WNK1: variants seen among roughly 807,000 people sequenced by gnomAD.
WNK1 encodes serine/threonine-protein kinase WNK1.
Under a neutral mutation model 222.8 loss-of-function variants are expected in WNK1, and 38 were observed. That is an observed-to-expected ratio of 0.17 (90% CI 0.13 to 0.22). The LOEUF (loss-of-function observed/expected upper bound fraction) is 0.22, where lower values mean the gene tolerates loss of function less well. WNK1 is among the 10% of genes least tolerant of loss of function. WNK1 has a pLI of 1.00. For synonymous variants in WNK1, 1,090 were observed against 1,092.9 expected (o/e 1.00, Z 0.05); for missense variants, 2,348 against 2,918.4 (o/e 0.80, Z 4.50).
intron 25 of WNK1, among the ~76,000 whole-genome samples, chr12:899,175 TC>T (rs1402623397): frequency 6.6e-6 from 1 of 152,212 alleles, no homozygotes; most frequent in African/African-American, 2.4e-5. Context: ...TCTTAGCAGT[TC>T]CATTCTCTGG....
At position 881,970 on chromosome 12, in the gene WNK1, G is replaced by T. The variant is rs780692513; in HGVS notation, c.3269G>T (p.Ser1090Ile). The T allele has an allele frequency of 1.7e-5, 28 of 1,614,022 alleles. No individual in the cohort carries two copies. Among genetic ancestry groups the T allele is most frequent in the East Asian group, 2.2e-5 (1 of 44,890 alleles). ...SDGNENVPSS[S>I]GRHEGRTTKR... is the part of the protein sequence containing the mutation. ...GGCAATGAGAACGTCCCATCTTCCA[G>T]TGGAAGGCATGAAGGAAGAACTACA... The change falls in exon 14 of 28, where the codon AGT (serine) becomes ATT (isoleucine). Residue 1090 changes from serine to isoleucine, a missense_variant. Physicochemically the swap from Ser to Ile is moderately radical, Grantham distance 142. Coordinates refer to ENST00000315939, the MANE Select transcript of WNK1 (RefSeq NM_018979.4).
In WNK1 at chr12:762,896, G is replaced by A. The variant is rs1350199863; in HGVS notation, c.759+8572G>A. On this transcript the variant is annotated intron_variant, in intron 1 of 27. Transcript: ENST00000315939. Reference sequence around the variant, plus strand: ...CGAGTAGCTGGGATTACAGGAAGGCGCCACCATGCCCAGCTAATTTTGTAT... The same window carrying A: ...CGAGTAGCTGGGATTACAGGAAGGCACCACCATGCCCAGCTAATTTTGTAT... Among the ~76,000 whole-genome samples the A allele has an allele frequency of 1.4e-5, 2 of 146,226 alleles. 1 individual carries two copies. Among genetic ancestry groups the A allele is most frequent in the Non-Finnish European group, 3.1e-5 (2 of 65,504 alleles).
At chr12:881,584 T>C in intron 12 of WNK1, 108 bp from the exon 13 acceptor site, 1 of 852,766 alleles carries the variant, frequency 1.2e-6, no homozygotes, top group South Asian at 1.4e-5. Flanking sequence ...AATTTAGTGC[T>C]TCTAGGACGT....
chr12:900,771 A>AAC, intron 26 of WNK1, 101 bp downstream of exon 26: 6 of 1,382,230 alleles, frequency 4.3e-6, no homozygotes, highest in Non-Finnish European at 6.2e-6. Flanking sequence ...AGCTGACCAG[A>AAC]ACACAGCCTG....
intron 1 of WNK1, among the ~76,000 whole-genome samples, chr12:800,152 A>T (rs188920799): frequency 0.015 from 2,321 of 152,142 alleles, 59 homozygotes; most frequent in African/African-American, 0.052. Flanking sequence ...TCAAAAAAAA[A>T]TTTTTTTTAA....
intron 2 of WNK1, among the ~76,000 whole-genome samples, chr12:821,632 G>A (rs1446649335): frequency 6.6e-6 from 1 of 152,154 alleles, no homozygotes; most frequent in Non-Finnish European, 1.5e-5. Flanking sequence ...TATTGAAAGT[G>A]GAATACTGAA....
Position 884,826 on chromosome 12 carries a change from G to A in WNK1, c.4022G>A (p.Ser1341Asn), listed in dbSNP as rs1301534353. ...PTFPVVPPFL[S>N]SIAGVPTTAA... ...TTTCCAGTAGTACCTCCTTTCTTAA[G>A]TAGCATTGCTGGAGTCCCAACCACA... The change falls in exon 19 of 28, where the codon AGT becomes AAT. Residue 1341 changes from serine (S) to asparagine (N), a missense_variant. By Grantham distance (46) the Ser-to-Asn change is conservative. Transcript: ENST00000315939. The surrounding 1 kb of genome is among the most constrained non-coding windows in gnomAD (Gnocchi z 5.6). 6.2e-7 allele frequency: 1 copy of A among 1,614,124 alleles called. No individual in the cohort carries two copies. The highest frequency in any genetic ancestry group is 8.5e-7 in the Non-Finnish European group (1 of 1,180,018).
intron 2 of WNK1, among the ~76,000 whole-genome samples, chr12:818,021 C>G (rs1259550817): frequency 6.6e-6 from 1 of 152,092 alleles, no homozygotes; most frequent in African/African-American, 2.4e-5. Context: ...TTTAAATAGA[C>G]ATGAAATTCA....
Position 755,626 on chromosome 12 carries a change from T to TAA in WNK1, c.759+1313_759+1314dup, listed in dbSNP as rs549151044. 1.0e-3 allele frequency among the ~76,000 whole-genome samples: 153 copies of TAA among 146,540 alleles called. 2 individuals are homozygous for TAA. The highest frequency in any genetic ancestry group is 7.8e-3 in the South Asian group (36 of 4,644). The stretch of plus-strand genomic sequence containing the variant: ...TAGAATTGAAAAGGTGACAGATCTT[T>TAA]AAAAAAAAAAAACCTCGTCAAACGA... On this transcript the variant is annotated intron_variant, in intron 1 of 27. Coordinates refer to ENST00000315939, the MANE Select transcript of WNK1 (RefSeq NM_018979.4).
At chr12:820,422 G>A (rs1947751485) in intron 2 of WNK1, among the ~76,000 whole-genome samples, 1 of 144,264 alleles carries the variant, frequency 6.9e-6, no homozygotes, top group South Asian at 2.2e-4. Context: ...TAACTTTACT[G>A]AATTCTTGTA....
In WNK1 at chr12:896,160, G is replaced by A; in HGVS notation, c.5673G>A (p.Glu1891=). The A allele has an allele frequency of 1.2e-6, 2 of 1,614,198 alleles. No homozygotes were observed. Among genetic ancestry groups the A allele is most frequent in the Non-Finnish European group, 1.7e-6 (2 of 1,180,046 alleles). The change falls in exon 24 of 28, where the codon GAG becomes GAA. Residue 1891 remains glutamate, a synonymous_variant. Coordinates refer to ENST00000315939, the MANE Select transcript of WNK1 (RefSeq NM_018979.4). ...KSVHFESSTS[E]SSVLSSSSPE... Reference sequence around the variant, plus strand: ...TTCATTTTGAATCCAGCACCTCAGAGTCCTCAGTGCTATCAAGTAGTAGTC... The same window carrying A: ...TTCATTTTGAATCCAGCACCTCAGAATCCTCAGTGCTATCAAGTAGTAGTC...
At chr12:875,490 T>G (rs1285635772) in intron 9 of WNK1, among the ~76,000 whole-genome samples, 1 of 152,206 alleles carries the variant, frequency 6.6e-6, no homozygotes, top group East Asian at 1.9e-4. Context: ...TTTTAAGGAA[T>G]AAACATAAAT....
At chr12:779,836 T>C (rs1008555346) in intron 1 of WNK1, among the ~76,000 whole-genome samples, 2 of 152,200 alleles carry the variant, frequency 1.3e-5, no homozygotes, top group African/African-American at 4.8e-5. Context: ...ATTTTCTCTG[T>C]GGATGCGAAG....
Position 851,857 on chromosome 12 carries a change from T to C in WNK1, c.1312-5304T>C, listed in dbSNP as rs140993760. The C allele has an allele frequency of 2.8e-5, 33 of 1,164,628 alleles. No individual in the cohort carries two copies. The East Asian group carries it at 1.6e-3, about 58-fold the overall frequency. The allele number at this position is 1,164,628 out of a possible 1,614,324, so 72.1% of individuals were successfully genotyped here. A position where few individuals can be genotyped will look rare whatever the true frequency, so the allele number is the denominator to read the frequency against. On this transcript the variant is annotated intron_variant, in intron 4 of 27. Coordinates refer to ENST00000315939, the MANE Select transcript of WNK1 (RefSeq NM_018979.4). ...GGTGATATTGGTAGAAAGTTTCCAA[T>C]ATTGAAATTGTTAACTTTCAGTTAA...
chr12:838,562 A>T (rs1305271510), intron 4 of WNK1, among the ~76,000 whole-genome samples: 2 of 151,996 alleles, frequency 1.3e-5, no homozygotes, highest in African/African-American at 4.8e-5. Context: ...CCATGGACAC[A>T]CACCACCATG....
At chr12:785,399 C>CCG (rs1944178912) in intron 1 of WNK1, among the ~76,000 whole-genome samples, 1 of 30,916 alleles carries the variant, frequency 3.2e-5, no homozygotes, top group Non-Finnish European at 6.2e-5. Flanking sequence ...ATCATTTTCT[C>CCG]CCCCCCCCCC....
chr12:838,407 G>C (rs904476879), intron 4 of WNK1, among the ~76,000 whole-genome samples: 1 of 151,744 alleles, frequency 6.6e-6, no homozygotes, highest in Non-Finnish European at 1.5e-5. Context: ...GCCAATCCTT[G>C]TTGTTATTAT....
intron 8 of WNK1, among the ~76,000 whole-genome samples, chr12:869,459 A>G (rs924144648): frequency 2.0e-5 from 3 of 152,178 alleles, no homozygotes; most frequent in African/African-American, 4.8e-5. Context: ...AGGAATACAA[A>G]TCTTAAGTAT....
At chr12:893,403 A>G (rs1043902263) in intron 22 of WNK1, among the ~76,000 whole-genome samples, 1 of 152,236 alleles carries the variant, frequency 6.6e-6, no homozygotes, top group Non-Finnish European at 1.5e-5. Flanking sequence ...AATGATCTCA[A>G]AGATATAGAA....
Sources: allele counts gnomAD v4.1 joint callset (sites outside exome capture counted in the v4.1 genomes callset), GRCh38; gene constraint gnomAD v4.1.1; non-coding constraint Gnocchi (gnomAD v3.1); transcripts MANE v1.5; gene names NCBI Gene and HGNC (gene_info 2026-07-23, HGNC 2026-07-21).